Variants in CDH7 observed in about 807,000 individuals in gnomAD.
CDH7 encodes cadherin 7, also known as cadherin-7.
A neutral mutation model predicts 71.8 loss-of-function variants in CDH7; 25 were observed. The ratio of observed to expected loss-of-function variants is 0.35; its 90% CI spans 0.25 to 0.49. The LOEUF is 0.49. Among genes scored for constraint, CDH7 ranks in the 20% least tolerant of loss-of-function variants. CDH7 has a pLI of 0.99. For synonymous variants in CDH7, 381 were observed against 363.8 expected, an observed-to-expected ratio of 1.05 and a Z score of -0.54; for missense variants, 862 against 974.6, an observed-to-expected ratio of 0.88 and a Z score of 1.54.
At chr18:65,781,906 TTCTC>T (rs1198601510) in intron 2 of CDH7, among the ~76,000 whole-genome samples, 1 of 46,772 alleles carries the variant, frequency 2.1e-5, no homozygotes, top group Non-Finnish European at 3.9e-5. Context: ...CTCTCTATCT[TTCTC>T]TCTTTCTCTC....
At chr18:65,844,748 G>T (rs1452534895) in intron 7 of CDH7, among the ~76,000 whole-genome samples, 1 of 151,948 alleles carries the variant, frequency 6.6e-6, no homozygotes, top group Non-Finnish European at 1.5e-5. Flanking sequence ...GTATGCATGT[G>T]TTTATGTGTT....
At chr18:65,856,867 T>A (rs188399708) in intron 7 of CDH7, among the ~76,000 whole-genome samples, 2 of 151,936 alleles carry the variant, frequency 1.3e-5, no homozygotes, top group African/African-American at 2.4e-5. Context: ...AAAATACAAG[T>A]GGAGTAGTAA....
At chr18:65,861,603 A>G (rs1216483221) in intron 10 of CDH7, among the ~76,000 whole-genome samples, 2 of 152,218 alleles carry the variant, frequency 1.3e-5, no homozygotes, top group Non-Finnish European at 2.9e-5. Flanking sequence ...ATAAAAATCT[A>G]CCAGATGGAA....
intron 7 of CDH7, among the ~76,000 whole-genome samples, chr18:65,845,806 C>G (rs530185661): frequency 6.6e-6 from 1 of 151,996 alleles, no homozygotes; most frequent in Non-Finnish European, 1.5e-5. Context: ...GCCTGTAGTT[C>G]TAGCAACTTG....
chr18:65,842,985 A>G (rs1295619288), intron 6 of CDH7, among the ~76,000 whole-genome samples: 4 of 152,114 alleles, frequency 2.6e-5, no homozygotes, highest in African/African-American at 9.7e-5. Flanking sequence ...TCCATTGAAG[A>G]AAAAGAAGCA....
intron 2 of CDH7, among the ~76,000 whole-genome samples, chr18:65,779,191 G>C (rs1910082696): frequency 7.1e-6 from 1 of 139,898 alleles, no homozygotes; most frequent in Non-Finnish European, 1.5e-5. Flanking sequence ...AGCCACAACA[G>C]AAAATGTAGA....
chr18:65,784,446 T>C (rs1158201052), intron 2 of CDH7, among the ~76,000 whole-genome samples: 2 of 152,030 alleles, frequency 1.3e-5, no homozygotes, highest in East Asian at 3.9e-4. Context: ...CGTGGCTAGT[T>C]TGGAGTAAGT....
At chr18:65,845,375 G>T (rs190411833) in intron 7 of CDH7, among the ~76,000 whole-genome samples, 2 of 151,932 alleles carry the variant, frequency 1.3e-5, no homozygotes, top group Non-Finnish European at 2.9e-5. Context: ...GACCATTTCC[G>T]AGAGTATAAT....
rs894822532 is a variant in CDH7 at position 65,886,291 on chromosome 18, CAG to C, written c.*5401_*5402del. On this transcript the variant is annotated 3_prime_UTR_variant, in exon 12 of 12. Coordinates refer to ENST00000397968, the MANE Select transcript of CDH7 (RefSeq NM_004361.5). Reference sequence around the variant, plus strand: ...AGGTTGATAATTGTTATATGGTAAACAGAGAATTTCTGTTTGGAGATACATAC... The same window carrying C: ...AGGTTGATAATTGTTATATGGTAAACAGAATTTCTGTTTGGAGATACATAC... 7 of 152,018 alleles carry C rather than the reference CAG, an allele frequency of 4.6e-5. No homozygotes were observed. Among genetic ancestry groups the C allele is most frequent in the Admixed American group, 1.3e-4 (2 of 15,262 alleles). 9.4% of individuals were successfully genotyped at this position (152,018 alleles called of 1,614,324 possible). A position where few individuals can be genotyped will look rare whatever the true frequency, so the allele number is the denominator to read the frequency against.
At chr18:65,829,775 AGT>A (rs3061822) in intron 6 of CDH7, among the ~76,000 whole-genome samples, 45,676 of 137,840 alleles carry the variant, frequency 0.33, 7,478 homozygotes, top group East Asian at 0.6. Flanking sequence ...CAAGGAAGGG[AGT>A]GTGTGTGTGT....
intron 7 of CDH7, among the ~76,000 whole-genome samples, chr18:65,857,153 A>G (rs1011442691): frequency 6.6e-6 from 1 of 151,746 alleles, no homozygotes. Flanking sequence ...AGGGTTACCA[A>G]ATATATTGTA....
At chr18:65,753,797 C>G (rs1417445429) in intron 1 of CDH7, among the ~76,000 whole-genome samples, 2 of 152,154 alleles carry the variant, frequency 1.3e-5, no homozygotes, top group Non-Finnish European at 2.9e-5. Flanking sequence ...AAGCACTTCC[C>G]CCTTGTTTTT....
At position 65,889,495 on chromosome 18, in the gene CDH7, A is replaced by G. The variant is rs528965760; in HGVS notation, c.*8601A>G. 59 of 152,326 alleles carry G rather than the reference A, an allele frequency of 3.9e-4. No homozygotes were observed. Among genetic ancestry groups the G allele is most frequent in the African/African-American group, 1.4e-3 (57 of 41,586 alleles). 9.4% of individuals were successfully genotyped at this position (152,326 alleles called of 1,614,324 possible). ...ACCAAATATGAATTAGTAGTCAAAA[A>G]TGACCAAACACAGACGATAACCCAC... On this transcript the variant is annotated 3_prime_UTR_variant, in exon 12 of 12. Coordinates refer to ENST00000397968, the MANE Select transcript of CDH7 (RefSeq NM_004361.5).
At chr18:65,794,934 G>C (rs575714053) in intron 2 of CDH7, among the ~76,000 whole-genome samples, 1 of 152,288 alleles carries the variant, frequency 6.6e-6, no homozygotes, top group Non-Finnish European at 1.5e-5. Context: ...CTTTACCACA[G>C]TGTCTGACAC....
At chr18:65,811,247 T>C (rs1312386992) in intron 3 of CDH7, among the ~76,000 whole-genome samples, 1 of 151,684 alleles carries the variant, frequency 6.6e-6, no homozygotes, top group Non-Finnish European at 1.5e-5. Context: ...CCTACGACAC[T>C]GAGGAGTGGG....
At chr18:65,768,546 G>T (rs1036346089) in intron 2 of CDH7, among the ~76,000 whole-genome samples, 2 of 152,110 alleles carry the variant, frequency 1.3e-5, no homozygotes, top group Non-Finnish European at 2.9e-5. Context: ...GAGGTTTTAG[G>T]TGCAAAGGAC....
intron 6 of CDH7, among the ~76,000 whole-genome samples, chr18:65,842,167 G>C (rs1912756521): frequency 1.3e-5 from 2 of 151,968 alleles, no homozygotes; most frequent in Non-Finnish European, 2.9e-5. Flanking sequence ...GAATATCTGT[G>C]TTCTAATTTT....
chr18:65,782,024 TTCTC>T lies in CDH7; in HGVS notation c.210+18973_210+18976del, dbSNP rs1568182167. On this transcript the variant is annotated intron_variant, in intron 2 of 11. Coordinates refer to ENST00000397968, the MANE Select transcript of CDH7 (RefSeq NM_004361.5). ...TCTCTTTCTCTCTTTCTCTCTCTCTTTCTCCCTTCCTTCCTTCCTTCCTTCCTTC... is the reference window on the plus strand; with the variant it reads ...TCTCTTTCTCTCTTTCTCTCTCTCTTCCTTCCTTCCTTCCTTCCTTCCTTC... Among the ~76,000 whole-genome samples the T allele has an allele frequency of 4.7e-4, 36 of 75,810 alleles. 9 individuals carry two copies. The highest frequency in any genetic ancestry group is 6.3e-4 in the Non-Finnish European group (27 of 43,174). The allele number at this position is 75,810 out of a possible 152,430, so 49.7% of individuals were successfully genotyped here.
rs1915862097 is a variant in CDH7, at chr18:65,751,140, C to G, written c.-207C>G. The G allele has an allele frequency of 6.6e-6, 1 of 152,332 alleles. No homozygotes were observed. Among genetic ancestry groups the G allele is most frequent in the Non-Finnish European group, 1.5e-5 (1 of 68,148 alleles). The allele number at this position is 152,332 out of a possible 1,614,324, so 9.4% of individuals were successfully genotyped here. A position where few individuals can be genotyped will look rare whatever the true frequency, so the allele number is the denominator to read the frequency against. On this transcript the variant is annotated 5_prime_UTR_variant, in exon 1 of 12. Transcript: ENST00000397968. ...GCGTCTGACGCCGTGGGGAGGGCAG[C>G]GAGGCCCCAGGTGAGTGTGTCTGCC... is the stretch of plus-strand genomic sequence containing the variant.
Sources: allele counts gnomAD v4.1 joint callset (sites outside exome capture counted in the v4.1 genomes callset), GRCh38; gene constraint gnomAD v4.1.1; transcripts MANE v1.5; gene names NCBI Gene and HGNC (gene_info 2026-07-23, HGNC 2026-07-21).